The following VPS26A variants were observed in gnomAD, a reference collection of about 807,000 sequenced individuals.
VPS26A encodes the protein VPS26 retromer complex component A.
A neutral mutation model predicts 42.4 loss-of-function variants in VPS26A; 22 were observed. The ratio of observed to expected loss-of-function variants is 0.52; its 90% CI spans 0.37 to 0.74. The LOEUF (loss-of-function observed/expected upper bound fraction) is 0.74. Ranked by LOEUF, VPS26A falls within the 30% of genes least tolerant of loss-of-function variation. The probability of loss-of-function intolerance (pLI) is 0.00; values close to 1 mark genes in which losing one functional copy is unlikely to be tolerated. For missense variants in VPS26A, 276 were observed against 379.2 expected (o/e 0.73, Z 2.26); for synonymous variants, 110 against 123.5 (o/e 0.89, Z 0.73).
chr10:69,149,060 G>T (rs1036037127), intron 2 of VPS26A, among the ~76,000 whole-genome samples: 1 of 151,518 alleles, frequency 6.6e-6, no homozygotes, highest in Admixed American at 6.6e-5. Context: ...CCAGCCAAGA[G>T]TATGTTTTGT....
At chr10:69,151,669 T>G (rs1287040764) in intron 2 of VPS26A, among the ~76,000 whole-genome samples, 1 of 152,160 alleles carries the variant, frequency 6.6e-6, no homozygotes, top group African/African-American at 2.4e-5. Context: ...AGTTTGCAGT[T>G]TGGTAGGAAG....
chr10:69,149,727 GTTTTTTGTTTTT>G lies in VPS26A; in HGVS notation c.154-6078_154-6067del, dbSNP rs869172445. ...ACCATGGAATGTTAACTTTCTTGGT[GTTTTTTGTTTTT>G]TTTTTTTTTTTTTTTTTTTTTTTTT... On this transcript the variant is annotated intron_variant, in intron 2 of 8. Coordinates refer to ENST00000263559, the MANE Select transcript of VPS26A (RefSeq NM_004896.5). Among the ~76,000 whole-genome samples the G allele has an allele frequency of 6.3e-3, 594 of 93,918 alleles. 41 individuals carry two copies. Among genetic ancestry groups the G allele is most frequent in the African/African-American group, 0.019 (398 of 20,560 alleles). 61.6% of individuals were successfully genotyped at this position (93,918 alleles called of 152,430 possible). A position where few individuals can be genotyped will look rare whatever the true frequency, so the allele number is the denominator to read the frequency against.
At position 69,156,989 on chromosome 10, in the gene VPS26A, C is replaced by T; in HGVS notation, c.230-18C>T. The stretch of plus-strand genomic sequence containing the variant: ...GGCTATTAAATAATTGGTCTTTTTG[C>T]CTTTTAAAATTTCTCAGAACTTTTC... On this transcript the variant is annotated intron_variant, in intron 3 of 8. Coordinates refer to ENST00000263559, the MANE Select transcript of VPS26A (RefSeq NM_004896.5). 6.4e-7 allele frequency: 1 copy of T among 1,563,636 alleles called. No homozygotes were observed. The highest frequency in any genetic ancestry group is 8.7e-7 in the Non-Finnish European group (1 of 1,155,342).
Position 69,124,191 on chromosome 10 carries a change from G to A in VPS26A, c.-87G>A. The A allele has an allele frequency of 8.0e-7, 1 of 1,249,350 alleles. No homozygotes were observed. Among genetic ancestry groups the A allele is most frequent in the Non-Finnish European group, 1.0e-6 (1 of 987,622 alleles). 77.4% of individuals were successfully genotyped at this position (1,249,350 alleles called of 1,614,324 possible). On this transcript the variant is annotated 5_prime_UTR_variant, in exon 1 of 9. Transcript: ENST00000263559. ...GAGGGGCGGCCCGAGGTCACGTGAC[G>A]GAGCGCCGGAGCGGAGGGAGCCGGG...
chr10:69,144,573 C>T (rs1408373907), intron 2 of VPS26A, among the ~76,000 whole-genome samples: 1 of 152,122 alleles, frequency 6.6e-6, no homozygotes, highest in Admixed American at 6.6e-5. Context: ...TAGCAATATT[C>T]TTTTAAGGTT....
intron 2 of VPS26A, among the ~76,000 whole-genome samples, chr10:69,137,662 A>T (rs1363954690): frequency 6.6e-6 from 1 of 152,098 alleles, no homozygotes. Context: ...AAAAAAATCA[A>T]CTGATTAGTA....
chr10:69,168,097 A>G (rs762591930), intron 7 of VPS26A, among the ~76,000 whole-genome samples: 1 of 152,182 alleles, frequency 6.6e-6, no homozygotes, highest in Non-Finnish European at 1.5e-5. Context: ...GATTTTTCCA[A>G]GGTCACACAA....
intron 8 of VPS26A, 22 bp from the exon 9 acceptor site, chr10:69,171,134 A>C: frequency 6.4e-7 from 1 of 1,570,090 alleles, no homozygotes; most frequent in Non-Finnish European, 8.7e-7. Flanking sequence ...TAATTTGTTA[A>C]TATCTTGCAT....
At chr10:69,160,745 C>T (rs1052350429) in intron 5 of VPS26A, among the ~76,000 whole-genome samples, 1 of 152,210 alleles carries the variant, frequency 6.6e-6, no homozygotes, top group Non-Finnish European at 1.5e-5. Context: ...CCCGGCCTGA[C>T]ATAATTTATA....
intron 2 of VPS26A, among the ~76,000 whole-genome samples, chr10:69,141,513 C>T (rs1419431625): frequency 6.6e-6 from 1 of 152,160 alleles, no homozygotes; most frequent in Non-Finnish European, 1.5e-5. Flanking sequence ...CGTACCTCAC[C>T]CAGCCACAAG....
At chr10:69,157,971 G>C (rs1841467880) in intron 4 of VPS26A, 76 bp from the exon 5 acceptor site, 5 of 1,323,596 alleles carry the variant, frequency 3.8e-6, no homozygotes, top group Non-Finnish European at 5.1e-6. Context: ...CTGAGTTGCA[G>C]TTAATGTTTG....
intron 1 of VPS26A, among the ~76,000 whole-genome samples, chr10:69,124,797 T>C (rs967527097): frequency 6.6e-6 from 1 of 152,224 alleles, no homozygotes; most frequent in Non-Finnish European, 1.5e-5. Flanking sequence ...AGTTCAGGCT[T>C]TCTGTTGACA....
chr10:69,169,634 A>T (rs1336990618), intron 8 of VPS26A, among the ~76,000 whole-genome samples: 1 of 149,960 alleles, frequency 6.7e-6, no homozygotes, highest in Non-Finnish European at 1.5e-5. Context: ...TTTGAGACAG[A>T]GTCTCGCTCT....
chr10:69,163,761 G>GTT (rs869118567), intron 6 of VPS26A, among the ~76,000 whole-genome samples: 38 of 145,844 alleles, frequency 2.6e-4, no homozygotes, highest in African/African-American at 9.1e-4. Context: ...TTAATTTTCA[G>GTT]TTTTCTTTTT....
chr10:69,137,862 G>GATAGATATATATATATATATATAT (rs1840951227), intron 2 of VPS26A, among the ~76,000 whole-genome samples: 2 of 144,812 alleles, frequency 1.4e-5, no homozygotes, highest in African/African-American at 5.4e-5. Flanking sequence ...GCTGTATTGA[G>GATAGATATATATATATATATATAT]ATATATATAT....
intron 2 of VPS26A, among the ~76,000 whole-genome samples, chr10:69,145,682 A>G (rs183057973): frequency 6.7e-6 from 1 of 148,416 alleles, no homozygotes; most frequent in Non-Finnish European, 1.5e-5. Context: ...TCAGAATTTT[A>G]TTCTGTTCTG....
intron 2 of VPS26A, among the ~76,000 whole-genome samples, chr10:69,152,751 C>T (rs186700473): frequency 0.012 from 1,793 of 152,094 alleles, 25 homozygotes; most frequent in East Asian, 0.049. Flanking sequence ...GGGTGGATCA[C>T]GAGGTCAGGA....
At chr10:69,151,284 C>CAAAAAA in intron 2 of VPS26A, among the ~76,000 whole-genome samples, 2 of 111,868 alleles carry the variant, frequency 1.8e-5, no homozygotes, top group East Asian at 2.4e-4. Context: ...AAAAAAAAAA[C>CAAAAAA]ACACACACAC....
At chr10:69,127,210 T>A (rs1006908910) in intron 1 of VPS26A, among the ~76,000 whole-genome samples, 4 of 147,874 alleles carry the variant, frequency 2.7e-5, no homozygotes, top group Non-Finnish European at 4.5e-5. Flanking sequence ...CCTCCCAAAG[T>A]GTTGGGATTA....
Sources: gnomAD v4.1 joint callset for allele counts (sites outside exome capture counted in the v4.1 genomes callset) on GRCh38, gnomAD v4.1.1 for gene constraint, MANE v1.5 for transcripts, NCBI Gene and HGNC (gene_info 2026-07-23, HGNC 2026-07-21) for gene names.